Variants in CALN1 observed in about 807,000 individuals in gnomAD.
CALN1 encodes the protein calcium-binding protein 8.
CALN1 carries 17 observed loss-of-function variants against 30.6 expected under a neutral mutation model. The ratio of observed to expected loss-of-function variants is 0.56; its 90% CI spans 0.38 to 0.83. The LOEUF (loss-of-function observed/expected upper bound fraction) is 0.83. CALN1 is among the 40% of genes least tolerant of loss of function. CALN1 has a pLI of 0.00. For synonymous variants in CALN1, 156 were observed against 131.4 expected (o/e 1.19, Z -1.28); for missense variants, 291 against 354.9 (o/e 0.82, Z 1.45).
chr7:72,306,160 A>G (rs1799635313), intron 2 of CALN1, among the ~76,000 whole-genome samples: 1 of 152,178 alleles, frequency 6.6e-6, no homozygotes, highest in Admixed American at 6.5e-5. Context: ...CAAGGAAGAA[A>G]ATCAAAAAAT....
chr7:72,197,286 C>A (rs1314866085), intron 3 of CALN1, among the ~76,000 whole-genome samples: 1 of 149,210 alleles, frequency 6.7e-6, no homozygotes, highest in African/African-American at 2.5e-5. Flanking sequence ...ACTGCAACCT[C>A]CGCCTCCCAG....
chr7:72,028,161 T>C (rs1801210455), intron 4 of CALN1, among the ~76,000 whole-genome samples: 1 of 151,238 alleles, frequency 6.6e-6, no homozygotes, highest in Non-Finnish European at 1.5e-5. Flanking sequence ...TCTCTCCCAC[T>C]TGGGAACCTC....
intron 3 of CALN1, among the ~76,000 whole-genome samples, chr7:72,158,951 C>G (rs1423620906): frequency 3.3e-5 from 5 of 152,144 alleles, no homozygotes; most frequent in Admixed American, 6.6e-5. Context: ...CTCCCAGGTT[C>G]AAGCAATTCT....
At chr7:72,379,377 T>A (rs1214909684) in intron 2 of CALN1, among the ~76,000 whole-genome samples, 1 of 152,236 alleles carries the variant, frequency 6.6e-6, no homozygotes, top group Non-Finnish European at 1.5e-5. Context: ...GTATATCCAA[T>A]TAATGGCAAT....
intron 2 of CALN1, among the ~76,000 whole-genome samples, chr7:72,305,875 C>T (rs1171828742): frequency 6.6e-6 from 1 of 152,174 alleles, no homozygotes; most frequent in Non-Finnish European, 1.5e-5. Flanking sequence ...GCTCTGTCCT[C>T]ACATGGTCGG....
At chr7:72,204,273 G>T (rs1791667363) in intron 3 of CALN1, among the ~76,000 whole-genome samples, 2 of 151,690 alleles carry the variant, frequency 1.3e-5, no homozygotes, top group South Asian at 4.2e-4. Flanking sequence ...GGGATTACAG[G>T]TGTGAGCCAC....
At chr7:72,043,360 A>G (rs756514773) in intron 4 of CALN1, among the ~76,000 whole-genome samples, 3 of 152,240 alleles carry the variant, frequency 2.0e-5, no homozygotes, top group Non-Finnish European at 4.4e-5. Flanking sequence ...GGGGAGCAGA[A>G]CAACAAGCAC....
At chr7:72,470,531 G>A in the CALN1 span, among the ~76,000 whole-genome samples, 33 of 152,296 alleles carry the variant, frequency 2.2e-4, no homozygotes, top group Admixed American at 1.9e-3. Flanking sequence ...TGTGTGAAAT[G>A]GGGATAGATT....
At chr7:72,103,861 C>T (rs1049435247) in intron 4 of CALN1, among the ~76,000 whole-genome samples, 12 of 152,100 alleles carry the variant, frequency 7.9e-5, no homozygotes, top group Non-Finnish European at 1.3e-4. Context: ...ACAGTAGCTC[C>T]AGCTTAGAAG....
At chr7:72,144,664 C>A (rs189786421) in intron 3 of CALN1, among the ~76,000 whole-genome samples, 303 of 152,212 alleles carry the variant, frequency 2.0e-3, no homozygotes, top group African/African-American at 7.1e-3. Context: ...AATCAACAGA[C>A]TATACATTCT....
In CALN1 at chr7:72,106,275, C is replaced by A; in HGVS notation, c.264G>T (p.Arg88=). ...AGCCGTTCCCATCCCGGTCCAGAACCCGAAAGGCCTCTCGGATTTCTACAA... is the reference window on the plus strand; with the variant it reads ...AGCCGTTCCCATCCCGGTCCAGAACACGAAAGGCCTCTCGGATTTCTACAA... The part of the protein sequence containing the change: ...EELDEIREAF[R]VLDRDGNGFI... Residue 88 remains arginine, a synonymous_variant, in exon 4 of 7, where the codon CGG becomes CGT. Transcript: ENST00000395275. 6.2e-7 allele frequency: 1 copy of A among 1,614,066 alleles called. No homozygotes were observed. The highest frequency in any genetic ancestry group is 8.5e-7 in the Non-Finnish European group (1 of 1,180,026).
rs191653363 is a variant in CALN1 at position 72,195,403 on chromosome 7, G to A, written c.244+83283C>T. Among the ~76,000 whole-genome samples the A allele has an allele frequency of 7.8e-4, 119 of 152,086 alleles. 1 individual carries two copies. Among genetic ancestry groups the A allele is most frequent in the Non-Finnish European group, 1.2e-3 (82 of 68,028 alleles). ...ATCTCTCTCTTTTTTTAAGAGACTA[G>A]ATCTTGCTCTGCCACCCCGGCTGGA... is the stretch of plus-strand genomic sequence containing the variant. On this transcript the variant is annotated intron_variant, in intron 3 of 6. Coordinates refer to ENST00000395275, the MANE Select transcript of CALN1 (RefSeq NM_031468.4).
chr7:71,943,406 CCT>C (rs964110179), intron 5 of CALN1, among the ~76,000 whole-genome samples: 5 of 152,086 alleles, frequency 3.3e-5, no homozygotes, highest in Admixed American at 1.3e-4. Context: ...CATATCCATG[CCT>C]CTGTTTCCTC....
At chr7:72,402,572 C>T (rs1806414482) in intron 2 of CALN1, among the ~76,000 whole-genome samples, 1 of 152,182 alleles carries the variant, frequency 6.6e-6, no homozygotes, top group Non-Finnish European at 1.5e-5. Flanking sequence ...CTATACCAAA[C>T]CACACCCAGA....
In CALN1 at chr7:72,157,335, G is replaced by T. The variant is rs949179611; in HGVS notation, c.245-51041C>A. On this transcript the variant is annotated intron_variant, in intron 3 of 6. Coordinates refer to ENST00000395275, the MANE Select transcript of CALN1 (RefSeq NM_031468.4). Reference sequence around the variant, plus strand: ...AAGTACCTTAAAATACGCTGGCTGGGTGCAGTGGCTCACACCTGTAATCCC... The same window carrying T: ...AAGTACCTTAAAATACGCTGGCTGGTTGCAGTGGCTCACACCTGTAATCCC... 1.8e-4 allele frequency among the ~76,000 whole-genome samples: 27 copies of T among 152,156 alleles called. 1 individual carries two copies. The highest frequency in any genetic ancestry group is 1.8e-3 in the Admixed American group (27 of 15,274).
chr7:71,823,704 C>T (rs546362886), intron 5 of CALN1, among the ~76,000 whole-genome samples: 7 of 149,546 alleles, frequency 4.7e-5, no homozygotes, highest in East Asian at 2.0e-4. Context: ...GGCAACAGAG[C>T]GAGACTCCAT....
rs186934668 is a variant in CALN1 at position 72,277,612 on chromosome 7, A to G, written c.244+1074T>C. On this transcript the variant is annotated intron_variant, in intron 3 of 6. Coordinates refer to ENST00000395275, the MANE Select transcript of CALN1 (RefSeq NM_031468.4). ...CATGTAAATAAGCAAGCATTTAAAT[A>G]AGCACACAAGCAAAATGGATGAGAG... Among the ~76,000 whole-genome samples, 381 of 152,292 alleles carry G rather than the reference A, an allele frequency of 2.5e-3. 3 individuals are homozygous for G. Among genetic ancestry groups the G allele is most frequent in the African/African-American group, 8.6e-3 (359 of 41,568 alleles).
At chr7:71,947,530 G>A (rs1445032642) in intron 5 of CALN1, among the ~76,000 whole-genome samples, 1 of 152,134 alleles carries the variant, frequency 6.6e-6, no homozygotes, top group African/African-American at 2.4e-5. Flanking sequence ...TTGAATTTCT[G>A]AAAATATCAC....
intron 5 of CALN1, among the ~76,000 whole-genome samples, chr7:71,933,439 T>C (rs1472726326): frequency 6.6e-6 from 1 of 152,152 alleles, no homozygotes; most frequent in Non-Finnish European, 1.5e-5. Flanking sequence ...CTGTTCTCCT[T>C]TCTCTTTCTT....
Sources: allele counts gnomAD v4.1 joint callset (sites outside exome capture counted in the v4.1 genomes callset), GRCh38; gene constraint gnomAD v4.1.1; transcripts MANE v1.5; gene names NCBI Gene and HGNC (gene_info 2026-07-23, HGNC 2026-07-21).